The following DPP6 variants were observed in gnomAD, a reference collection of about 807,000 sequenced individuals.
DPP6 encodes the protein A-type potassium channel modulatory protein DPP6.
Under a neutral mutation model 122.6 loss-of-function variants are expected in DPP6, and 69 were observed. That is an observed-to-expected ratio of 0.56 (90% CI 0.46 to 0.69). DPP6 has a LOEUF of 0.69. Among genes scored for constraint, DPP6 ranks in the 30% least tolerant of loss-of-function variants. DPP6 has a pLI of 0.00. For synonymous variants in DPP6, 418 were observed against 433.1 expected, an observed-to-expected ratio of 0.97 and a Z score of 0.43; for missense variants, 928 against 1,116.9, an observed-to-expected ratio of 0.83 and a Z score of 2.41.
intron 7 of DPP6, among the ~76,000 whole-genome samples, chr7:154,703,618 C>CAAAA (rs56393329): frequency 8.5e-6 from 1 of 117,440 alleles, no homozygotes; most frequent in Non-Finnish European, 1.9e-5. Context: ...CACTCTGTCT[C>CAAAA]AAAAAAAAAA....
rs1804214355 is a variant in DPP6, at chr7:154,083,911, A to G, written c.243+30848A>G. Among the ~76,000 whole-genome samples, 2 of 146,544 alleles carry G rather than the reference A, an allele frequency of 1.4e-5. 1 individual carries two copies. Among genetic ancestry groups the G allele is most frequent in the Non-Finnish European group, 3.0e-5 (2 of 67,268 alleles). On this transcript the variant is annotated intron_variant, in intron 1 of 25. Coordinates refer to ENST00000377770, the MANE Select transcript of DPP6 (RefSeq NM_130797.4). ...GAAATGGGAGAACAGCTGCCTTATGAATCATGAGGTTCACCTAAACCTTGG... is the reference window on the plus strand; with the variant it reads ...GAAATGGGAGAACAGCTGCCTTATGGATCATGAGGTTCACCTAAACCTTGG...
chr7:154,058,163 G>C (rs189897815), intron 1 of DPP6: 2 of 146,136 alleles, frequency 1.4e-5, no homozygotes, highest in South Asian at 4.3e-4. Flanking sequence ...CATCGCAGGG[G>C]GGGAGGCAAT....
At chr7:154,852,553 T>G (rs1015660748) in intron 16 of DPP6, among the ~76,000 whole-genome samples, 2 of 152,164 alleles carry the variant, frequency 1.3e-5, no homozygotes, top group African/African-American at 4.8e-5. Context: ...CTGCCTCTCC[T>G]GCATGCTCTG....
chr7:154,147,493 TC>T (rs1471792015), intron 1 of DPP6, among the ~76,000 whole-genome samples: 6,752 of 138,686 alleles, frequency 0.049, no homozygotes, highest in African/African-American at 0.18. Flanking sequence ...TTCCTTCCTT[TC>T]TTTTTCTGTC....
At position 154,603,314 on chromosome 7, in the gene DPP6, C is replaced by T. The variant is rs909523126; in HGVS notation, c.628-34507C>T. 1.0e-4 allele frequency among the ~76,000 whole-genome samples: 12 copies of T among 118,790 alleles called. 3 individuals carry two copies. Among genetic ancestry groups the T allele is most frequent in the Admixed American group, 4.8e-4 (5 of 10,450 alleles). The allele number at this position is 118,790 out of a possible 152,430, so 77.9% of individuals were successfully genotyped here. A position where few individuals can be genotyped will look rare whatever the true frequency, so the allele number is the denominator to read the frequency against. ...GATTTCTTCATGTGTTTCTTCTGTCCCATCCTCTCTTGTTTTTCCTTCGGG... is the reference window on the plus strand; with the variant it reads ...GATTTCTTCATGTGTTTCTTCTGTCTCATCCTCTCTTGTTTTTCCTTCGGG... On this transcript the variant is annotated intron_variant, in intron 5 of 25. Coordinates refer to ENST00000377770, the MANE Select transcript of DPP6 (RefSeq NM_130797.4).
intron 1 of DPP6, among the ~76,000 whole-genome samples, chr7:154,223,849 G>A (rs769396425): frequency 5.4e-5 from 8 of 148,846 alleles, no homozygotes; most frequent in Non-Finnish European, 1.0e-4. Context: ...ATAGGCAGGA[G>A]GGGAGTGAGC....
chr7:154,083,852 C>A (rs944531704), intron 1 of DPP6, among the ~76,000 whole-genome samples: 1 of 150,544 alleles, frequency 6.6e-6, no homozygotes, highest in African/African-American at 2.5e-5. Flanking sequence ...TTTCCATGTT[C>A]TTCCTGAATC....
intron 1 of DPP6, among the ~76,000 whole-genome samples, chr7:154,031,984 C>T (rs1236979888): frequency 6.6e-6 from 1 of 151,062 alleles, no homozygotes; most frequent in Non-Finnish European, 1.5e-5. Context: ...GCCTCAGCCT[C>T]CCGAGTAGCT....
intron 1 of DPP6, among the ~76,000 whole-genome samples, chr7:154,432,544 C>G (rs370055287): frequency 1.6e-4 from 24 of 152,256 alleles, no homozygotes; most frequent in East Asian, 1.4e-3. Flanking sequence ...ACACACACCC[C>G]CTTCTCCATC....
At chr7:153,990,599 C>G (rs1399189093) in intron 1 of DPP6, among the ~76,000 whole-genome samples, 2 of 152,068 alleles carry the variant, frequency 1.3e-5, no homozygotes, top group Non-Finnish European at 2.9e-5. Context: ...GGTCTTGGCC[C>G]TCGCCTGCCC....
intron 1 of DPP6, among the ~76,000 whole-genome samples, chr7:153,941,137 T>C (rs1440586215): frequency 6.6e-6 from 1 of 152,184 alleles, no homozygotes; most frequent in Non-Finnish European, 1.5e-5. Context: ...GGGTTTCTTA[T>C]GAAGATTAAA....
intron 16 of DPP6, among the ~76,000 whole-genome samples, chr7:154,836,356 C>G (rs1801055479): frequency 6.6e-6 from 1 of 152,246 alleles, no homozygotes; most frequent in Non-Finnish European, 1.5e-5. Context: ...ATGCCCAACC[C>G]ACCTGGGGAG....
In DPP6 at chr7:153,916,438, G is replaced by T. The variant is rs541490274; in HGVS notation, c.51+28704G>T. Among the ~76,000 whole-genome samples the T allele has an allele frequency of 1.6e-3, 197 of 126,190 alleles. 1 individual carries two copies. Among genetic ancestry groups the T allele is most frequent in the African/African-American group, 5.4e-3 (185 of 34,220 alleles). The allele number at this position is 126,190 out of a possible 152,430, so 82.8% of individuals were successfully genotyped here. A position where few individuals can be genotyped will look rare whatever the true frequency, so the allele number is the denominator to read the frequency against. ...CCTCCCCTCCCCTCCCCTCTTCGAA[G>T]TCTATCTCTGTCACCCAGACTGGAG... On this transcript the variant is annotated intron_variant, in intron 1 of 25. Coordinates refer to the DPP6 transcript ENST00000404039.
At chr7:153,977,424 C>T (rs1430435132) in intron 1 of DPP6, among the ~76,000 whole-genome samples, 1 of 152,134 alleles carries the variant, frequency 6.6e-6, no homozygotes, top group Non-Finnish European at 1.5e-5. Flanking sequence ...GGTCTTTCTC[C>T]CTCTATTATA....
chr7:154,074,787 C>T (rs1299356682), intron 1 of DPP6, among the ~76,000 whole-genome samples: 3 of 151,800 alleles, frequency 2.0e-5, no homozygotes, highest in African/African-American at 7.3e-5. Flanking sequence ...AGAGTTCCAG[C>T]TCAGTTTATG....
chr7:154,351,086 C>T (rs569277324), intron 1 of DPP6, among the ~76,000 whole-genome samples: 13 of 152,256 alleles, frequency 8.5e-5, no homozygotes, highest in African/African-American at 2.9e-4. Flanking sequence ...GAGCATGTGA[C>T]GGGGGCACGT....
chr7:154,658,368 T>C (rs1431838958), intron 6 of DPP6, among the ~76,000 whole-genome samples: 1 of 152,082 alleles, frequency 6.6e-6, no homozygotes, highest in Non-Finnish European at 1.5e-5. Context: ...TAATTAAAAA[T>C]AGTAATAAAT....
chr7:154,053,117 C>T (rs1800506656), intron 1 of DPP6, 54 bp downstream of exon 1: 5 of 1,046,470 alleles, frequency 4.8e-6, no homozygotes, highest in East Asian at 6.4e-5. Context: ...GCTGAGCGCG[C>T]AGCGAGACGC....
intron 1 of DPP6, among the ~76,000 whole-genome samples, chr7:154,063,518 AGG>A (rs1802391880): frequency 1.7e-5 from 2 of 120,666 alleles, no homozygotes; most frequent in East Asian, 2.6e-4. Flanking sequence ...CCCCCATCGC[AGG>A]AGGGGGAGGC....
Sources: gnomAD v4.1 joint callset for allele counts (sites outside exome capture counted in the v4.1 genomes callset) on GRCh38, gnomAD v4.1.1 for gene constraint, MANE v1.5 for transcripts, NCBI Gene and HGNC (gene_info 2026-07-23, HGNC 2026-07-21) for gene names.